The following GPR89A variants were observed in gnomAD, a reference collection of about 807,000 sequenced individuals.
The protein encoded by GPR89A is golgi pH regulator A.
In GPR89A, 16 loss-of-function variants were observed where a neutral mutation model predicts 52.0. The ratio of observed to expected loss-of-function variants is 0.31; its 90% CI spans 0.21 to 0.47. The LOEUF is 0.47. Among genes scored for constraint, GPR89A ranks in the 20% least tolerant of loss-of-function variants. The pLI is 1.00. For missense variants in GPR89A, 135 were observed against 449.4 expected, an observed-to-expected ratio of 0.30 and a Z score of 6.33; for synonymous variants, 55 against 150.9, an observed-to-expected ratio of 0.36 and a Z score of 4.66.
At chr1:145,620,805 A>C (rs1649089257) in intron 3 of GPR89A, among the ~76,000 whole-genome samples, 1 of 152,092 alleles carries the variant, frequency 6.6e-6, no homozygotes, top group Non-Finnish European at 1.5e-5. Flanking sequence ...TCTTGTTGGG[A>C]TGCTTAGTTT....
At chr1:145,628,633 T>G (rs1571488453) in intron 5 of GPR89A, among the ~76,000 whole-genome samples, 1 of 152,054 alleles carries the variant, frequency 6.6e-6, no homozygotes, top group African/African-American at 2.4e-5. Context: ...AGGATTGTTA[T>G]GAGGGTTAAA....
intron 10 of GPR89A, among the ~76,000 whole-genome samples, chr1:145,659,101 A>G (rs1265263055): frequency 6.6e-6 from 1 of 151,932 alleles, no homozygotes; most frequent in African/African-American, 2.4e-5. Flanking sequence ...TTATGTGAGT[A>G]TATGTTTTAA....
chr1:145,613,747 A>AC (rs1214121505), intron 1 of GPR89A, among the ~76,000 whole-genome samples: 1 of 149,516 alleles, frequency 6.7e-6, no homozygotes, highest in Admixed American at 6.7e-5. Context: ...CTGTCCTCCT[A>AC]CCCCTACCAC....
intron 7 of GPR89A, among the ~76,000 whole-genome samples, chr1:145,636,186 C>T (rs1242116245): frequency 3.3e-5 from 5 of 152,096 alleles, no homozygotes; most frequent in Non-Finnish European, 7.4e-5. Context: ...ACCCCGTTAC[C>T]ACAGTCCTTT....
intron 11 of GPR89A, among the ~76,000 whole-genome samples, 159 bp from the exon 12 acceptor site, chr1:145,665,403 T>C (rs1236147098): frequency 6.6e-6 from 1 of 152,152 alleles, no homozygotes; most frequent in African/African-American, 2.4e-5. Context: ...GTTGTTTTAT[T>C]TGCCACCTAC....
intron 7 of GPR89A, among the ~76,000 whole-genome samples, chr1:145,636,487 G>A (rs1372918052): frequency 6.6e-6 from 1 of 151,010 alleles, no homozygotes; most frequent in Non-Finnish European, 1.5e-5. Flanking sequence ...AAAGTTAATG[G>A]TTTAAAATGG....
Position 145,670,180 on chromosome 1 carries a change from C to T in GPR89A, c.*140C>T. ...CATTTTTCACCTTCATAGCATACTC[C>T]TTCCCCGTCAGGTGATACTATGACC... On this transcript the variant is annotated 3_prime_UTR_variant, in exon 14 of 14. Transcript: ENST00000313835. The T allele has an allele frequency of 2.5e-6, 4 of 1,585,912 alleles. No homozygotes were observed. Among genetic ancestry groups the T allele is most frequent in the South Asian group, 1.2e-5 (1 of 86,668 alleles).
chr1:145,639,338 G>C (rs1553691307), intron 7 of GPR89A, among the ~76,000 whole-genome samples: 1 of 151,952 alleles, frequency 6.6e-6, no homozygotes, highest in Non-Finnish European at 1.5e-5. Context: ...TTTTTAAAAA[G>C]AACAGTATGA....
chr1:145,645,416 C>G, intron 8 of GPR89A: 4 of 359,124 alleles, frequency 1.1e-5, no homozygotes, highest in Non-Finnish European at 1.6e-5. Flanking sequence ...TCATAAAAGC[C>G]AATAATACGG....
rs1252462126 is a variant in GPR89A, at chr1:145,670,144, T to C, written c.*104T>C. Reference sequence around the variant, plus strand: ...CCTGACATTTTATAAACAAACAAAATGCTATGGTAGCATTTTTCACCTTCA... The same window carrying C: ...CCTGACATTTTATAAACAAACAAAACGCTATGGTAGCATTTTTCACCTTCA... On this transcript the variant is annotated 3_prime_UTR_variant, in exon 14 of 14. Transcript: ENST00000313835. 1.3e-6 allele frequency: 2 copies of C among 1,541,608 alleles called. No individual in the cohort carries two copies. Among genetic ancestry groups the C allele is most frequent in the Non-Finnish European group, 1.7e-6 (2 of 1,146,424 alleles).
chr1:145,655,212 C>G (rs587686809), intron 10 of GPR89A, among the ~76,000 whole-genome samples: 2 of 152,078 alleles, frequency 1.3e-5, no homozygotes, highest in Admixed American at 6.6e-5. Context: ...TATCATGGTT[C>G]TTGGCTTCTT....
chr1:145,634,817 A>C (rs1470706779), intron 7 of GPR89A, among the ~76,000 whole-genome samples: 1 of 151,928 alleles, frequency 6.6e-6, no homozygotes, highest in Non-Finnish European at 1.5e-5. Flanking sequence ...TTTGCTTTTC[A>C]TGCTTTGCCT....
At chr1:145,667,437 A>AT (rs1386862545) in intron 12 of GPR89A, among the ~76,000 whole-genome samples, 20 of 152,024 alleles carry the variant, frequency 1.3e-4, no homozygotes, top group Middle Eastern at 3.4e-3. Context: ...TTTCTTGTAA[A>AT]TTTGTTTGAG....
intron 5 of GPR89A, among the ~76,000 whole-genome samples, chr1:145,629,532 C>T (rs372745155): frequency 6.6e-6 from 1 of 152,138 alleles, no homozygotes; most frequent in African/African-American, 2.4e-5. Context: ...TGTGAGAGCT[C>T]TCTTAGGACT....
At chr1:145,659,383 C>T (rs1314623750) in intron 10 of GPR89A, among the ~76,000 whole-genome samples, 1 of 150,990 alleles carries the variant, frequency 6.6e-6, no homozygotes, top group Non-Finnish European at 1.5e-5. Context: ...GACAGGGTTT[C>T]ACCATATTGG....
intron 1 of GPR89A, among the ~76,000 whole-genome samples, chr1:145,610,477 G>A (rs188836740): frequency 3.1e-4 from 47 of 152,216 alleles, no homozygotes; most frequent in Admixed American, 3.1e-3. Flanking sequence ...TCCACACAGT[G>A]TGTTTTCTCT....
Position 145,649,431 on chromosome 1 carries a change from C to A in GPR89A, c.909+2164C>A, listed in dbSNP as rs587621735. Among the ~76,000 whole-genome samples the A allele has an allele frequency of 2.0e-5, 3 of 151,528 alleles. No individual in the cohort carries two copies. The East Asian group carries it at 5.8e-4, about 29-fold the overall frequency. On this transcript the variant is annotated intron_variant, in intron 10 of 13. Transcript: ENST00000313835. ...CTTTTTCTGTCTGGCTTATTTTACT[C>A]GGCATGATTATTTTACATTTTATCC...
At chr1:145,656,294 G>A (rs2101827002) in intron 10 of GPR89A, among the ~76,000 whole-genome samples, 1 of 151,960 alleles carries the variant, frequency 6.6e-6, no homozygotes, top group South Asian at 2.1e-4. Flanking sequence ...CTGTTGGCCT[G>A]GGCTCACAAG....
chr1:145,629,078 G>C (rs1401907247), intron 5 of GPR89A, among the ~76,000 whole-genome samples: 1 of 152,118 alleles, frequency 6.6e-6, no homozygotes, highest in South Asian at 2.1e-4. Context: ...AGATGGTGGC[G>C]TAGGGGCAAG....
Sources: gnomAD v4.1 joint callset for allele counts (sites outside exome capture counted in the v4.1 genomes callset) on GRCh38, gnomAD v4.1.1 for gene constraint, MANE v1.5 for transcripts, NCBI Gene and HGNC (gene_info 2026-07-23, HGNC 2026-07-21) for gene names.